Variants in DRC11 observed in about 807,000 individuals in gnomAD.
DRC11 encodes the protein dynein regulatory complex subunit 11, also known as IQ and AAA domain-containing protein 1.
chr2:236,488,225 A>G, the DRC11 span: 1 of 1,463,170 alleles, frequency 6.8e-7, no homozygotes, highest in African/African-American at 1.4e-5. Flanking sequence ...CCAATGTTTG[A>G]ACATGTTAAC....
chr2:236,502,527 G>A, the DRC11 span, among the ~76,000 whole-genome samples: 1 of 88,886 alleles, frequency 1.1e-5, no homozygotes, highest in Non-Finnish European at 2.0e-5. Flanking sequence ...AGTGAGCCGA[G>A]ATCTCACCAC....
the DRC11 span, chr2:236,419,195 G>C: frequency 1.3e-6 from 2 of 1,538,604 alleles, no homozygotes; most frequent in Non-Finnish European, 1.8e-6. This position sits in a 1 kb window ranked among gnomAD's most constrained non-coding sequence, Gnocchi z 4.8. Context: ...GGCTTTCTTG[G>C]GTTGTTTTTC....
chr2:236,373,918 TTCC>T, the DRC11 span, among the ~76,000 whole-genome samples: 2 of 152,212 alleles, frequency 1.3e-5, no homozygotes, highest in Admixed American at 6.5e-5. Context: ...TTTGATTTAA[TTCC>T]CAAGAGTTTC....
the DRC11 span, among the ~76,000 whole-genome samples, chr2:236,350,956 A>G: frequency 6.6e-6 from 1 of 152,180 alleles, no homozygotes; most frequent in Non-Finnish European, 1.5e-5. This position sits in a 1 kb window ranked among gnomAD's most constrained non-coding sequence, Gnocchi z 5.2. Context: ...TACTTCGTCC[A>G]GGAGGGATGA....
the DRC11 span, among the ~76,000 whole-genome samples, chr2:236,340,292 T>G: frequency 2.6e-5 from 4 of 152,212 alleles, no homozygotes; most frequent in African/African-American, 7.2e-5. Context: ...GCCCGGCTAA[T>G]TTTTGTATTT....
At chr2:236,459,570 T>TATATACGTAC in the DRC11 span, among the ~76,000 whole-genome samples, 3 of 144,634 alleles carry the variant, frequency 2.1e-5, no homozygotes, top group Non-Finnish European at 3.1e-5. Context: ...CGTATATATG[T>TATATACGTAC]GTATACATAC....
the DRC11 span, chr2:236,486,913 A>T: frequency 6.3e-7 from 1 of 1,589,098 alleles, no homozygotes; most frequent in Non-Finnish European, 8.6e-7. The surrounding 1 kb of genome is among the most constrained non-coding windows in gnomAD (Gnocchi z 5.7). Flanking sequence ...AAAAACAAAT[A>T]AATGGTTACT....
At chr2:236,318,627 A>C in the DRC11 span, among the ~76,000 whole-genome samples, 1 of 142,874 alleles carries the variant, frequency 7.0e-6, no homozygotes, top group South Asian at 2.1e-4. This position sits in a 1 kb window ranked among gnomAD's most constrained non-coding sequence, Gnocchi z 7.0. Flanking sequence ...TGGTGTGCAT[A>C]TATCGTTTGT....
chr2:236,344,099 GAAA>G, the DRC11 span, among the ~76,000 whole-genome samples: 1 of 152,092 alleles, frequency 6.6e-6, no homozygotes, highest in South Asian at 2.1e-4. Context: ...TGAAAGGAGA[GAAA>G]AGAAGGAAGG....
the DRC11 span, among the ~76,000 whole-genome samples, chr2:236,491,046 G>A: frequency 2.9e-3 from 368 of 128,240 alleles, 2 homozygotes; most frequent in African/African-American, 0.011. Flanking sequence ...TATATATACA[G>A]TATATATATA....
the DRC11 span, among the ~76,000 whole-genome samples, chr2:236,355,879 C>T: frequency 1.3e-5 from 2 of 152,100 alleles, no homozygotes; most frequent in African/African-American, 2.4e-5. Context: ...AGAAATTGGC[C>T]AGGCACCTCT....
the DRC11 span, among the ~76,000 whole-genome samples, chr2:236,393,739 T>C: frequency 0.072 from 10,980 of 152,146 alleles, 611 homozygotes; most frequent in African/African-American, 0.15. This position sits in a 1 kb window ranked among gnomAD's most constrained non-coding sequence, Gnocchi z 4.7. Flanking sequence ...GGGGAGACTC[T>C]GAGGCAAACT....
chr2:236,318,934 C>T, the DRC11 span, among the ~76,000 whole-genome samples: 7 of 152,080 alleles, frequency 4.6e-5, no homozygotes, highest in African/African-American at 1.7e-4. The surrounding 1 kb of genome is among the most constrained non-coding windows in gnomAD (Gnocchi z 7.0). Context: ...GCCAAGGGCT[C>T]CAGAGGTGGA....
At chr2:236,347,045 G>A in the DRC11 span, among the ~76,000 whole-genome samples, 1 of 152,314 alleles carries the variant, frequency 6.6e-6, no homozygotes, top group African/African-American at 2.4e-5. Context: ...CACCCCAAGG[G>A]AAGAATCAGG....
the DRC11 span, among the ~76,000 whole-genome samples, chr2:236,374,772 C>A: frequency 2.6e-5 from 4 of 152,110 alleles, no homozygotes; most frequent in East Asian, 5.8e-4. Context: ...CTCACTGCAA[C>A]CTCCACCTCC....
chr2:236,386,467 T>C, the DRC11 span, among the ~76,000 whole-genome samples: 64 of 151,976 alleles, frequency 4.2e-4, no homozygotes, highest in African/African-American at 1.5e-3. Context: ...TTTGTAGTAT[T>C]CTCTGATGGT....
At chr2:236,392,355 A>G in the DRC11 span, 2 of 1,507,552 alleles carry the variant, frequency 1.3e-6, no homozygotes, top group Non-Finnish European at 1.8e-6. The surrounding 1 kb of genome is among the most constrained non-coding windows in gnomAD (Gnocchi z 5.1). Context: ...AGATTTCTAC[A>G]CTCCAGAAGG....
chr2:236,439,585 T>A, the DRC11 span, among the ~76,000 whole-genome samples: 1 of 152,204 alleles, frequency 6.6e-6, no homozygotes, highest in Admixed American at 6.5e-5. Flanking sequence ...CAATCCTGTA[T>A]AATTTGTCAA....
the DRC11 span, among the ~76,000 whole-genome samples, chr2:236,506,763 A>C: frequency 6.6e-6 from 1 of 152,266 alleles, no homozygotes; most frequent in African/African-American, 2.4e-5. The surrounding 1 kb of genome is among the most constrained non-coding windows in gnomAD (Gnocchi z 4.9). Context: ...AGTGCTGTGT[A>C]AACGACACAG....
Sources: allele counts gnomAD v4.1 joint callset (sites outside exome capture counted in the v4.1 genomes callset), GRCh38; gene constraint gnomAD v4.1.1; non-coding constraint Gnocchi (gnomAD v3.1); transcripts MANE v1.5; gene names NCBI Gene and HGNC (gene_info 2026-07-23, HGNC 2026-07-21).